Variants in NRXN3 observed in about 807,000 individuals in gnomAD.
NRXN3 encodes neurexin III.
A neutral mutation model predicts 137.6 loss-of-function variants in NRXN3; 32 were observed. The observed-to-expected ratio is 0.23, with a 90% CI of 0.18 to 0.31. The LOEUF is 0.31. NRXN3 is among the 10% of genes least tolerant of loss of function. NRXN3 has a pLI of 1.00. For synonymous variants in NRXN3, 798 were observed against 784.5 expected (o/e 1.02, Z -0.29); for missense variants, 1,574 against 2,062.5 (o/e 0.76, Z 4.59).
intron 1 of NRXN3, among the ~76,000 whole-genome samples, chr14:78,238,909 C>A (rs569269579): frequency 3.0e-4 from 46 of 152,324 alleles, no homozygotes; most frequent in African/African-American, 1.0e-3. Flanking sequence ...CCATGATCTT[C>A]CCCCACAAGG....
intron 19 of NRXN3, among the ~76,000 whole-genome samples, chr14:79,750,166 G>C (rs760021813): frequency 7.2e-5 from 11 of 152,152 alleles, no homozygotes; most frequent in Admixed American, 1.3e-4. Flanking sequence ...CTTCTATTCT[G>C]ATTAGTACTT....
At chr14:78,436,843 T>A (rs1298725483) in intron 4 of NRXN3, among the ~76,000 whole-genome samples, 1 of 152,148 alleles carries the variant, frequency 6.6e-6, no homozygotes, top group South Asian at 2.1e-4. Context: ...ATGGCCATCA[T>A]TTATTTAGCT....
At chr14:79,480,402 T>C (rs1331029768) in intron 16 of NRXN3, among the ~76,000 whole-genome samples, 1 of 152,162 alleles carries the variant, frequency 6.6e-6, no homozygotes, top group African/African-American at 2.4e-5. Context: ...GACGTGTGAA[T>C]GACGTGGTTT....
In NRXN3 at chr14:79,145,603, G is replaced by A. The variant is rs1031953954; in HGVS notation, c.3262+157462G>A. Reference sequence around the variant, plus strand: ...AAATGCTCCTAGGAGCAGCCAGACAGGTCTTCCTCAAAAGGATAATCTGGA... The same window carrying A: ...AAATGCTCCTAGGAGCAGCCAGACAAGTCTTCCTCAAAAGGATAATCTGGA... On this transcript the variant is annotated intron_variant, in intron 15 of 20. Coordinates refer to ENST00000335750, the MANE Select transcript of NRXN3 (RefSeq NM_001330195.2). Among the ~76,000 whole-genome samples the A allele has an allele frequency of 9.2e-5, 14 of 152,202 alleles. No individual in the cohort carries two copies. In the South Asian group the frequency reaches 2.9e-3, roughly 32 times the overall value.
chr14:78,633,761 G>GCATT (rs1189173040), intron 4 of NRXN3, among the ~76,000 whole-genome samples: 1 of 152,186 alleles, frequency 6.6e-6, no homozygotes, highest in Non-Finnish European at 1.5e-5. Flanking sequence ...CTTGTCCTTG[G>GCATT]CATTGAAAGC....
At chr14:79,826,762 C>T (rs1018477523) in intron 20 of NRXN3, among the ~76,000 whole-genome samples, 2 of 152,162 alleles carry the variant, frequency 1.3e-5, no homozygotes, top group African/African-American at 4.8e-5. Context: ...AGTTGTCAAG[C>T]TCACCAACTT....
At chr14:78,660,052 C>A (rs1435596523) in intron 6 of NRXN3, among the ~76,000 whole-genome samples, 1 of 151,938 alleles carries the variant, frequency 6.6e-6, no homozygotes, top group East Asian at 1.9e-4. Flanking sequence ...CAGTAGGAAC[C>A]AGGTGTGAAC....
chr14:79,307,051 C>A (rs1012670793), intron 15 of NRXN3, among the ~76,000 whole-genome samples: 5 of 152,220 alleles, frequency 3.3e-5, no homozygotes, highest in Admixed American at 2.0e-4. Context: ...TGGTAAACAA[C>A]TTTGATTTAG....
chr14:79,126,762 A>G (rs939299446), intron 15 of NRXN3, among the ~76,000 whole-genome samples: 1 of 152,164 alleles, frequency 6.6e-6, no homozygotes, highest in Non-Finnish European at 1.5e-5. Flanking sequence ...TGACTTCCAC[A>G]ATGGTTGAAC....
chr14:79,860,014 A>G (rs1347529167), intron 20 of NRXN3, among the ~76,000 whole-genome samples: 1 of 152,202 alleles, frequency 6.6e-6, no homozygotes, highest in Admixed American at 6.5e-5. Context: ...ATGCATAGCA[A>G]TCTTGGCCTT....
intron 19 of NRXN3, among the ~76,000 whole-genome samples, chr14:79,732,895 A>G (rs1646789739): frequency 6.6e-6 from 1 of 152,202 alleles, no homozygotes; most frequent in Non-Finnish European, 1.5e-5. Flanking sequence ...TGATTTGACA[A>G]AAGTGGCATA....
intron 10 of NRXN3, among the ~76,000 whole-genome samples, chr14:78,812,115 T>C (rs2098915783): frequency 6.6e-6 from 1 of 152,188 alleles, no homozygotes; most frequent in Non-Finnish European, 1.5e-5. Context: ...TGTCCAAATA[T>C]CACCACAATC....
chr14:79,438,677 T>A (rs1470119408), intron 15 of NRXN3, among the ~76,000 whole-genome samples: 1 of 152,232 alleles, frequency 6.6e-6, no homozygotes, highest in Non-Finnish European at 1.5e-5. Context: ...AAAAGCTATT[T>A]TAAACAAATA....
At chr14:78,783,959 G>C (rs922808726) in intron 8 of NRXN3, among the ~76,000 whole-genome samples, 13 of 151,228 alleles carry the variant, frequency 8.6e-5, no homozygotes, top group African/African-American at 3.2e-4. Flanking sequence ...CATCTACTAT[G>C]GACCAGGCAC....
intron 1 of NRXN3, among the ~76,000 whole-genome samples, chr14:78,230,586 G>A (rs1157671844): frequency 2.6e-5 from 4 of 152,076 alleles, no homozygotes; most frequent in Non-Finnish European, 5.9e-5. Context: ...TGGAGTGTGG[G>A]GACCCAGAGA....
At chr14:78,318,898 C>G (rs1597273010) in intron 4 of NRXN3, among the ~76,000 whole-genome samples, 1 of 152,366 alleles carries the variant, frequency 6.6e-6, no homozygotes, top group East Asian at 1.9e-4. Flanking sequence ...GCCAGTGTGT[C>G]TCACAATCTA....
chr14:79,072,691 A>G (rs1189874412), intron 15 of NRXN3, among the ~76,000 whole-genome samples: 1 of 152,184 alleles, frequency 6.6e-6, no homozygotes, highest in African/African-American at 2.4e-5. Flanking sequence ...AAGTAAAATC[A>G]TGCACATACA....
intron 15 of NRXN3, among the ~76,000 whole-genome samples, chr14:79,120,622 A>G (rs1178892348): frequency 6.6e-6 from 1 of 152,148 alleles, no homozygotes; most frequent in Non-Finnish European, 1.5e-5. Context: ...CAAAAGCCTG[A>G]AAGTATCTAC....
intron 15 of NRXN3, among the ~76,000 whole-genome samples, chr14:79,314,989 A>G (rs1043404947): frequency 2.0e-5 from 3 of 152,290 alleles, no homozygotes; most frequent in African/African-American, 7.2e-5. Context: ...TGCTTATTAT[A>G]TGCTATGGTC....
Sources: allele counts gnomAD v4.1 joint callset (sites outside exome capture counted in the v4.1 genomes callset), GRCh38; gene constraint gnomAD v4.1.1; transcripts MANE v1.5; gene names NCBI Gene and HGNC (gene_info 2026-07-23, HGNC 2026-07-21).